Variants in CDC42BPG observed in about 807,000 individuals in gnomAD.
The protein encoded by CDC42BPG is serine/threonine-protein kinase MRCK gamma.
Under a neutral mutation model 192.2 loss-of-function variants are expected in CDC42BPG, and 157 were observed. The ratio of observed to expected loss-of-function variants is 0.82; its 90% CI spans 0.72 to 0.93. CDC42BPG has a LOEUF of 0.93. Among genes scored for constraint, CDC42BPG ranks in the 40% least tolerant of loss-of-function variants. The pLI is 0.00. For synonymous variants in CDC42BPG, 981 were observed against 918.5 expected, an observed-to-expected ratio of 1.07 and a Z score of -1.23; for missense variants, 1,992 against 2,122.1, an observed-to-expected ratio of 0.94 and a Z score of 1.20.
intron 16 of CDC42BPG, 63 bp from the exon 17 acceptor site, chr11:64,835,216 T>C: frequency 6.2e-7 from 1 of 1,602,144 alleles, no homozygotes; most frequent in Non-Finnish European, 8.5e-7. Context: ...GCCGTCTCCC[T>C]GTAGGTACCC....
At chr11:64,838,470 G>A (rs576875195) in intron 8 of CDC42BPG, among the ~76,000 whole-genome samples, 184 bp downstream of exon 8, 1 of 152,306 alleles carries the variant, frequency 6.6e-6, no homozygotes, top group South Asian at 2.1e-4. Context: ...ACCCCAGTTT[G>A]GCTGGAAGAG....
rs755774128 is a variant in CDC42BPG at position 64,835,433 on chromosome 11, G to A, written c.1881-14C>T. 42 of 1,613,274 alleles carry A rather than the reference G, an allele frequency of 2.6e-5. No homozygotes were observed. The highest frequency in any genetic ancestry group is 3.3e-5 in the Admixed American group (2 of 60,028). ...TTACCACTCGGCCTGGGGAGGAGAA[G>A]GCCAAGGCCGTGACTCACCGCCCAG... is the stretch of plus-strand genomic sequence containing the variant. On this transcript the variant is annotated splice_polypyrimidine_tract_variant and intron_variant, in intron 15 of 36. Coordinates refer to ENST00000342711, the MANE Select transcript of CDC42BPG (RefSeq NM_017525.3).
At chr11:64,836,361 A>T (rs963654831) in intron 12 of CDC42BPG, 65 bp from the exon 13 acceptor site, 5 of 1,251,182 alleles carry the variant, frequency 4.0e-6, no homozygotes, top group Non-Finnish European at 5.7e-6. Flanking sequence ...CCGTCCATGG[A>T]GCCCAGGGCC....
Position 64,841,845 on chromosome 11 carries a change from A to T in CDC42BPG, c.220T>A (p.Leu74Met). 6.2e-7 allele frequency: 1 copy of T among 1,613,996 alleles called. No individual in the cohort carries two copies. The highest frequency in any genetic ancestry group is 8.5e-7 in the Non-Finnish European group (1 of 1,179,986). The change falls in exon 2 of 37, where the codon TTG (leucine) becomes ATG (methionine). Residue 74 changes from leucine (L) to methionine (M), a missense_variant. Leu to Met is a conservative substitution (Grantham distance 15). Coordinates refer to ENST00000342711, the MANE Select transcript of CDC42BPG (RefSeq NM_017525.3). The stretch of plus-strand genomic sequence containing the variant: ...AAGGCTCCTCGGCCGATCACCTTCA[A>T]GATCTCAAAGTCATCTCTCTGCAGA... ...LRLQRDDFEI[L>M]KVIGRGAFGE...
Position 64,830,023 on chromosome 11 carries a change from T to A in CDC42BPG, c.3415A>T (p.Ser1139Cys). The A allele has an allele frequency of 1.2e-6, 2 of 1,612,410 alleles. No homozygotes were observed. Among genetic ancestry groups the A allele is most frequent in the Non-Finnish European group, 1.7e-6 (2 of 1,179,338 alleles). The stretch of plus-strand genomic sequence containing the variant: ...ACGACCAGCAGGCCTGCACTGGGGC[T>A]CAAGGTCAGCTGCTGCACGCGCCGG... ...ECRRVQQLTLSPSAGLLVVLC... is the reference protein window; with the variant it reads ...ECRRVQQLTLCPSAGLLVVLC... The change falls in exon 30 of 37, where the codon AGC becomes TGC. Residue 1139 changes from serine to cysteine, a missense_variant. Physicochemically the swap from Ser to Cys is moderately radical, Grantham distance 112. Coordinates refer to ENST00000342711, the MANE Select transcript of CDC42BPG (RefSeq NM_017525.3).
Position 64,835,061 on chromosome 11 carries a change from G to C in CDC42BPG, c.2046C>G (p.Ala682=). ...CTGGCACCCACCAGCTGAGGATGTC[G>C]GCGAGCTGGGCCTCCCAGTTGCTCT... The part of the protein sequence containing the change: ...ETESNWEAQL[A]DILSWVNDEK... The change falls in exon 17 of 37, where the codon GCC becomes GCG. Residue 682 remains alanine, a synonymous_variant. Coordinates refer to ENST00000342711, the MANE Select transcript of CDC42BPG (RefSeq NM_017525.3). 1 of 1,600,610 alleles carries C rather than the reference G, an allele frequency of 6.2e-7. No homozygotes were observed. Among genetic ancestry groups the C allele is most frequent in the Non-Finnish European group, 8.5e-7 (1 of 1,179,114 alleles).
In CDC42BPG at chr11:64,829,779, C is replaced by T. The variant is rs761055037; in HGVS notation, c.3659G>A (p.Arg1220His). The part of the protein sequence containing the change: ...PGPGPWQRRI[R>H]ELQAPATVQS... ...CACAGTGGCAGGTGCCTGCAGCTCA[C>T]GGATGCGGCGCTGCCAGGGCCCAGG... Residue 1220 changes from arginine to histidine, a missense_variant, in exon 30 of 37, where the codon CGT becomes CAT. This residue lies in a region of CDC42BPG where 1,656 missense variants were observed against 1,844.3 expected (regional missense o/e 0.90). Coordinates refer to ENST00000342711, the MANE Select transcript of CDC42BPG (RefSeq NM_017525.3). The T allele has an allele frequency of 2.4e-5, 38 of 1,597,800 alleles. No individual in the cohort carries two copies. The highest frequency in any genetic ancestry group is 1.7e-4 in the Middle Eastern group (1 of 5,982).
At chr11:64,832,988 G>C (rs756013434) in intron 24 of CDC42BPG, 29 bp from the exon 25 acceptor site, 1 of 1,505,832 alleles carries the variant, frequency 6.6e-7, no homozygotes, top group Non-Finnish European at 8.9e-7. Context: ...AGGTGGATGA[G>C]GTGAGGCTGG....
At chr11:64,844,040 G>C (rs1943395204) in intron 1 of CDC42BPG, among the ~76,000 whole-genome samples, 1 of 152,192 alleles carries the variant, frequency 6.6e-6, no homozygotes, top group Admixed American at 6.5e-5. Context: ...GTATCAGTGG[G>C]TGACATGCAT....
rs1041098421 is a variant in CDC42BPG, at chr11:64,823,168, G to A, written c.*1305C>T. 1.3e-5 allele frequency among the ~76,000 whole-genome samples: 2 copies of A among 149,736 alleles called. No homozygotes were observed. The highest frequency in any genetic ancestry group is 2.5e-5 in the African/African-American group (1 of 40,740). The stretch of plus-strand genomic sequence containing the variant: ...GTGGCGCGATCTCGGCTCACTGCAA[G>A]CTCCGCCTCCCGGGTTCACGCCATT... On this transcript the variant is annotated 3_prime_UTR_variant, in exon 37 of 37. Transcript: ENST00000342711.
intron 4 of CDC42BPG, 65 bp from the exon 5 acceptor site, chr11:64,840,333 C>A: frequency 1.3e-6 from 2 of 1,576,432 alleles, no homozygotes; most frequent in East Asian, 2.3e-5. Flanking sequence ...ACCGCGGTCC[C>A]GCAGGGCTCT....
Position 64,827,576 on chromosome 11 carries a change from G to A in CDC42BPG, c.4101C>T (p.Leu1367=), listed in dbSNP as rs748345287. 1 of 1,612,500 alleles carries A rather than the reference G, an allele frequency of 6.2e-7. No homozygotes were observed. Among genetic ancestry groups the A allele is most frequent in the South Asian group, 1.1e-5 (1 of 90,912 alleles). The change falls in exon 32 of 37, where the codon CTC becomes CTT. Residue 1367 remains leucine, a synonymous_variant. Transcript: ENST00000342711. The stretch of plus-strand genomic sequence containing the variant: ...TCAGGCGGACCTTCTCGGTGCCGTA[G>A]AGGAACAGGGAGCCCTCTGGATTGA... The part of the protein sequence containing the change: ...RPLNPEGSLF[L]YGTEKVRLTY...
At position 64,833,845 on chromosome 11, in the gene CDC42BPG, G is replaced by A; in HGVS notation, c.2467-9C>T. ...TCCTTGGCAGAATCCTTCTGGGGGT[G>A]GGAGAGAGAGGAGCAAAGTCAAGGT... On this transcript the variant is annotated splice_polypyrimidine_tract_variant and intron_variant, in intron 21 of 36. Transcript: ENST00000342711. The A allele has an allele frequency of 9.9e-6, 16 of 1,614,208 alleles. No individual in the cohort carries two copies. Among genetic ancestry groups the A allele is most frequent in the Non-Finnish European group, 1.4e-5 (16 of 1,179,998 alleles).
At position 64,826,776 on chromosome 11, in the gene CDC42BPG, G is replaced by A. The variant is rs1396236109; in HGVS notation, c.4408C>T (p.Arg1470Ter). Residue 1470 changes from arginine to a stop codon, truncating the protein, a stop_gained, in exon 35 of 37, where the codon CGA becomes TGA. Coordinates refer to ENST00000342711, the MANE Select transcript of CDC42BPG (RefSeq NM_017525.3). LOFTEE classifies it high-confidence loss of function. ...TGTGGGCCGGAGCCGCGGGCAACTC[G>A]GCCCTTCTCTTCGGGAGCCTGTTGG... ...DKSPAPEEKG[R>*]VARGSGPQRP... 4 of 1,513,108 alleles carry A rather than the reference G, an allele frequency of 2.6e-6. No individual in the cohort carries two copies. The highest frequency in any genetic ancestry group is 3.5e-6 in the Non-Finnish European group (4 of 1,132,620). The allele number at this position is 1,513,108 out of a possible 1,614,324, so 93.7% of individuals were successfully genotyped here. A position where few individuals can be genotyped will look rare whatever the true frequency, so the allele number is the denominator to read the frequency against.
intron 36 of CDC42BPG, 112 bp downstream of exon 36, chr11:64,826,358 C>T: frequency 1.4e-6 from 1 of 738,432 alleles, no homozygotes; most frequent in Middle Eastern, 2.4e-4. Flanking sequence ...GAATCGAGGG[C>T]AGGGATGGGC....
At chr11:64,839,794 T>C (rs548902945) in intron 5 of CDC42BPG, among the ~76,000 whole-genome samples, 1 of 152,248 alleles carries the variant, frequency 6.6e-6, no homozygotes, top group Non-Finnish European at 1.5e-5. Context: ...GGGACAACCC[T>C]TGGAGGTGGC....
rs1433908486 is a variant in CDC42BPG, at chr11:64,834,861, A to G, written c.2163T>C (p.Pro721=). ...CTCTGGGGCTCACCAGTGGCCGGGC[A>G]GGGAGCGTCTGGGTGCCTACGTTCC... ...SLRNVGTQTL[P]ARPLDHQWKA... The change falls in exon 18 of 37, where the codon CCT becomes CCC. Residue 721 remains proline (P), a synonymous_variant. Coordinates refer to ENST00000342711, the MANE Select transcript of CDC42BPG (RefSeq NM_017525.3). The G allele has an allele frequency of 6.2e-7, 1 of 1,613,298 alleles. No homozygotes were observed. Among genetic ancestry groups the G allele is most frequent in the East Asian group, 2.2e-5 (1 of 44,874 alleles).
At chr11:64,843,697 A>G (rs1179586504) in intron 1 of CDC42BPG, among the ~76,000 whole-genome samples, 1 of 152,162 alleles carries the variant, frequency 6.6e-6, no homozygotes, top group Non-Finnish European at 1.5e-5. Context: ...GCCACTCCCA[A>G]TGACTCAGAT....
Position 64,827,288 on chromosome 11 carries a change from G to A in CDC42BPG, c.4261C>T (p.Gln1421Ter). 1 of 1,613,840 alleles carries A rather than the reference G, an allele frequency of 6.2e-7. No homozygotes were observed. Among genetic ancestry groups the A allele is most frequent in the South Asian group, 1.1e-5 (1 of 91,084 alleles). The change falls in exon 33 of 37, where the codon CAG (glutamine) becomes TAG (stop). Residue 1421 changes from glutamine (Q) to a stop codon, truncating the protein, a stop_gained. Transcript: ENST00000342711. LOFTEE classifies it high-confidence loss of function. ...GTCGTGCACGCGCACCTGCGCTGCTGCTTCTGCTGCTCCTCCGACACGCGG... is the reference window on the plus strand; with the variant it reads ...GTCGTGCACGCGCACCTGCGCTGCTACTTCTGCTGCTCCTCCGACACGCGG... ...FFRVSEEQQK[Q>*]QRREMLKDPF...
Sources: gnomAD v4.1 joint callset for allele counts (sites outside exome capture counted in the v4.1 genomes callset) on GRCh38, gnomAD v4.1.1 for gene constraint, gnomAD v4.1.1 regional missense constraint, MANE v1.5 for transcripts, NCBI Gene and HGNC (gene_info 2026-07-23, HGNC 2026-07-21) for gene names.